C7orf33: variants seen among roughly 807,000 people sequenced by gnomAD.
C7orf33 encodes chromosome 7 open reading frame 33.
In C7orf33, 15 loss-of-function variants were observed where a neutral mutation model predicts 13.4. The observed-to-expected ratio is 1.12, with a 90% CI of 0.75 to 1.72. The LOEUF is 1.72. Among genes scored for constraint, C7orf33 ranks in the 40% most tolerant of loss-of-function variants. The pLI, the probability that C7orf33 is intolerant of heterozygous loss-of-function variation, is 0.00. For synonymous variants in C7orf33, 73 were observed against 83.2 expected, an observed-to-expected ratio of 0.88 and a Z score of 0.67; for missense variants, 187 against 220.3, an observed-to-expected ratio of 0.85 and a Z score of 0.96.
chr7:148,595,425 A>G (rs575620300), intron 1 of C7orf33, among the ~76,000 whole-genome samples: 2 of 131,378 alleles, frequency 1.5e-5, no homozygotes, highest in African/African-American at 5.9e-5. Context: ...TATTATATAG[A>G]TATATCTATA....
intron 1 of C7orf33, among the ~76,000 whole-genome samples, chr7:148,594,171 CTTTTTTTT>C (rs940143798): frequency 2.3e-5 from 3 of 129,300 alleles, no homozygotes; most frequent in African/African-American, 5.9e-5. Flanking sequence ...AACCTCTTTT[CTTTTTTTT>C]TTTTTTTTTT....
At position 148,615,665 on chromosome 7, in the gene C7orf33, C is replaced by A. The variant is rs1370725018; in HGVS notation, c.*264C>A. The A allele has an allele frequency of 2.7e-6, 1 of 373,776 alleles. No individual in the cohort carries two copies. Among genetic ancestry groups the A allele is most frequent in the African/African-American group, 2.1e-5 (1 of 48,396 alleles). The allele number at this position is 373,776 out of a possible 1,614,324, so 23.2% of individuals were successfully genotyped here. A position where few individuals can be genotyped will look rare whatever the true frequency, so the allele number is the denominator to read the frequency against. ...AGGAGAGGACCACGGAGTGACAAGCCACCAGGTTCTAAAGGGAGACGAAGA... is the reference window on the plus strand; with the variant it reads ...AGGAGAGGACCACGGAGTGACAAGCAACCAGGTTCTAAAGGGAGACGAAGA... On this transcript the variant is annotated 3_prime_UTR_variant, in exon 3 of 3. Transcript: ENST00000307003.
At chr7:148,607,955 G>A (rs978610503) in intron 1 of C7orf33, among the ~76,000 whole-genome samples, 5 of 151,756 alleles carry the variant, frequency 3.3e-5, no homozygotes, top group African/African-American at 1.2e-4. Flanking sequence ...ACAGGTGCCC[G>A]ATAAAATGGC....
chr7:148,598,759 TATATAGAGAGAGAGAGAGAGAGAGAG>T (rs1464479095), intron 1 of C7orf33, among the ~76,000 whole-genome samples: 19 of 32,944 alleles, frequency 5.8e-4, no homozygotes, highest in African/African-American at 3.1e-3. Context: ...TATATATATA[TATATAGAGAGAGAGAGAGAGAGAGAG>T]AGAGAGAGAG....
intron 1 of C7orf33, among the ~76,000 whole-genome samples, chr7:148,600,799 CT>C (rs11373798): frequency 8.7e-4 from 90 of 103,708 alleles, no homozygotes; most frequent in Middle Eastern, 6.6e-3. Flanking sequence ...TTATGGACTT[CT>C]TTTTTTTTTT....
In C7orf33 at chr7:148,595,177, G is replaced by A. The variant is rs532553011; in HGVS notation, c.204+4048G>A. On this transcript the variant is annotated intron_variant, in intron 1 of 2. Transcript: ENST00000307003. The stretch of plus-strand genomic sequence containing the variant: ...CTTGACCTCCTGGGTTCAAGTGATC[G>A]ATCCTCCTGCTTCAGCCTCCTGAGT... Among the ~76,000 whole-genome samples the A allele has an allele frequency of 4.4e-3, 658 of 149,434 alleles. 6 individuals are homozygous for A. Among genetic ancestry groups the A allele is most frequent in the African/African-American group, 0.015 (616 of 40,668 alleles).
At chr7:148,595,441 T>G (rs1476089118) in intron 1 of C7orf33, among the ~76,000 whole-genome samples, 4 of 131,934 alleles carry the variant, frequency 3.0e-5, no homozygotes, top group African/African-American at 5.9e-5. Context: ...CTATATAATA[T>G]AGATATATAT....
At chr7:148,599,218 A>G (rs1293667031) in intron 1 of C7orf33, among the ~76,000 whole-genome samples, 1 of 152,126 alleles carries the variant, frequency 6.6e-6, no homozygotes, top group Admixed American at 6.5e-5. Context: ...ATTACGGCAA[A>G]CTGCTCCCAC....
chr7:148,603,972 T>C (rs539416174), intron 1 of C7orf33, among the ~76,000 whole-genome samples: 5 of 152,172 alleles, frequency 3.3e-5, no homozygotes, highest in East Asian at 3.9e-4. Context: ...CAATTCCCAA[T>C]TGCAAAAATA....
At chr7:148,592,843 T>TA (rs1000022594) in intron 1 of C7orf33, among the ~76,000 whole-genome samples, 4 of 151,998 alleles carry the variant, frequency 2.6e-5, no homozygotes, top group Non-Finnish European at 5.9e-5. Flanking sequence ...ATCTTTTTTT[T>TA]ATTATTGTTT....
At chr7:148,598,629 A>C in intron 1 of C7orf33, among the ~76,000 whole-genome samples, 1 of 148,856 alleles carries the variant, frequency 6.7e-6, no homozygotes, top group Non-Finnish European at 1.5e-5. Context: ...AAATAAGTGA[A>C]CCTATATTCT....
chr7:148,606,388 G>T (rs1418559534), intron 1 of C7orf33, among the ~76,000 whole-genome samples: 2 of 152,168 alleles, frequency 1.3e-5, no homozygotes, highest in African/African-American at 4.8e-5. Flanking sequence ...CTCTGGAGAT[G>T]CTGGGTCATT....
At chr7:148,608,353 C>G (rs1796497987) in intron 1 of C7orf33, among the ~76,000 whole-genome samples, 1 of 151,882 alleles carries the variant, frequency 6.6e-6, no homozygotes, top group South Asian at 2.1e-4. Flanking sequence ...TCGCTTGAAC[C>G]CAGGAGGCGG....
intron 1 of C7orf33, among the ~76,000 whole-genome samples, chr7:148,609,910 A>G (rs1358434277): frequency 1.3e-5 from 2 of 152,178 alleles, no homozygotes; most frequent in Admixed American, 6.5e-5. Context: ...TAGGAGCTTG[A>G]AATGGCTAAG....
At chr7:148,606,250 TACCTTCTATGTGCTAGGC>T (rs1272748355) in intron 1 of C7orf33, among the ~76,000 whole-genome samples, 2 of 152,226 alleles carry the variant, frequency 1.3e-5, no homozygotes, top group African/African-American at 4.8e-5. Context: ...ATTTATCAAG[TACCTTCTATGTGCTAGGC>T]ATCAGAAGGG....
rs1364953304 is a variant in C7orf33, at chr7:148,615,650, C to G, written c.*249C>G. Reference sequence around the variant, plus strand: ...ACTGGTGTGGGGCCCAGGAGAGGACCACGGAGTGACAAGCCACCAGGTTCT... The same window carrying G: ...ACTGGTGTGGGGCCCAGGAGAGGACGACGGAGTGACAAGCCACCAGGTTCT... On this transcript the variant is annotated 3_prime_UTR_variant, in exon 3 of 3. Coordinates refer to ENST00000307003, the MANE Select transcript of C7orf33 (RefSeq NM_145304.4). 2.6e-6 allele frequency: 1 copy of G among 391,956 alleles called. No homozygotes were observed. The highest frequency in any genetic ancestry group is 4.9e-5 in the East Asian group (1 of 20,276). 24.3% of individuals were successfully genotyped at this position (391,956 alleles called of 1,614,324 possible).
intron 1 of C7orf33, among the ~76,000 whole-genome samples, chr7:148,608,135 T>G (rs1175104727): frequency 2.0e-5 from 3 of 152,174 alleles, no homozygotes; most frequent in Non-Finnish European, 4.4e-5. Flanking sequence ...ATTCTGTCAA[T>G]AATGAGCCCC....
intron 2 of C7orf33, among the ~76,000 whole-genome samples, chr7:148,614,754 C>A (rs560208897): frequency 6.6e-6 from 1 of 152,288 alleles, no homozygotes; most frequent in East Asian, 1.9e-4. Context: ...GTGCCTCAAA[C>A]CACAGTATCT....
chr7:148,609,927 A>G (rs1313781168), intron 1 of C7orf33, among the ~76,000 whole-genome samples: 1 of 152,102 alleles, frequency 6.6e-6, no homozygotes, highest in Non-Finnish European at 1.5e-5. Flanking sequence ...TAAGTTAAAA[A>G]CGGAAGTACA....
Sources: gnomAD v4.1 joint callset for allele counts (sites outside exome capture counted in the v4.1 genomes callset) on GRCh38, gnomAD v4.1.1 for gene constraint, MANE v1.5 for transcripts, NCBI Gene and HGNC (gene_info 2026-07-23, HGNC 2026-07-21) for gene names.